The following PEAR1 variants were observed in gnomAD, a reference collection of about 807,000 sequenced individuals.
The protein encoded by PEAR1 is platelet endothelial aggregation receptor 1, also known as multiple EGF-like domains protein 12.
Under a neutral mutation model 131.2 loss-of-function variants are expected in PEAR1, and 113 were observed. The ratio of observed to expected loss-of-function variants is 0.86; its 90% CI spans 0.74 to 1.01. The LOEUF is 1.01. Among genes scored for constraint, PEAR1 ranks in the 50% least tolerant of loss-of-function variants. The pLI, the probability that PEAR1 is intolerant of heterozygous loss-of-function variation, is 0.00. For missense variants in PEAR1, 1,408 were observed against 1,391.1 expected, an observed-to-expected ratio of 1.01 and a Z score of -0.19; for synonymous variants, 565 against 523.3, an observed-to-expected ratio of 1.08 and a Z score of -1.09.
intron 1 of PEAR1, among the ~76,000 whole-genome samples, chr1:156,901,842 T>C (rs898767155): frequency 6.6e-6 from 1 of 151,828 alleles, no homozygotes; most frequent in African/African-American, 2.4e-5. Flanking sequence ...GGAGTGGGCA[T>C]TGGGCCTGGG....
chr1:156,907,923 C>T lies in PEAR1; in HGVS notation c.774C>T (p.Ile258=), dbSNP rs746220241. 3.8e-6 allele frequency: 6 copies of T among 1,594,358 alleles called. No homozygotes were observed. The Admixed American group carries it at 1.1e-4, about 28-fold the overall frequency. ...CSCPPGWMGT[I]CSLPCPEGFH... ...ACCTCTTATCCCCACAGGGCACCAT[C>T]TGCTCCCTGCCCTGCCCAGAGGGCT... The change falls in exon 8 of 23, where the codon ATC becomes ATT. Residue 258 remains isoleucine, a synonymous_variant. Coordinates refer to ENST00000292357, the MANE Select transcript of PEAR1 (RefSeq NM_001080471.3).
chr1:156,906,681 A>G lies in PEAR1; in HGVS notation c.445A>G (p.Ser149Gly). 6.2e-7 allele frequency: 1 copy of G among 1,614,212 alleles called. No homozygotes were observed. The highest frequency in any genetic ancestry group is 8.5e-7 in the Non-Finnish European group (1 of 1,180,020). Residue 149 changes from serine to glycine, a missense_variant, in exon 6 of 23, where the codon AGC (serine) becomes GGC (glycine). Transcript: ENST00000292357. Reference sequence around the variant, plus strand: ...GGGGCCACAGTGTGACAAGCCCTGCAGCTGCGGCAACAACAGCTCGTGTGA... The same window carrying G: ...GGGGCCACAGTGTGACAAGCCCTGCGGCTGCGGCAACAACAGCTCGTGTGA... ...MWGPQCDKPC[S>G]CGNNSSCDPK...
chr1:156,903,836 C>T lies in PEAR1; in HGVS notation c.-9-82C>T, dbSNP rs1277340817. 6.0e-6 allele frequency: 7 copies of T among 1,169,726 alleles called. No individual in the cohort carries two copies. In the Admixed American group the frequency reaches 6.9e-5, roughly 11 times the overall value. The allele number at this position is 1,169,726 out of a possible 1,614,324, so 72.5% of individuals were successfully genotyped here. A position where few individuals can be genotyped will look rare whatever the true frequency, so the allele number is the denominator to read the frequency against. On this transcript the variant is annotated intron_variant, in intron 1 of 22. Coordinates refer to ENST00000292357, the MANE Select transcript of PEAR1 (RefSeq NM_001080471.3). Reference sequence around the variant, plus strand: ...CCGCAGTCTGGTCTCTTCTGCATGCCCACGGCTCAGATCTCTGCAGACAGG... The same window carrying T: ...CCGCAGTCTGGTCTCTTCTGCATGCTCACGGCTCAGATCTCTGCAGACAGG...
In PEAR1 at chr1:156,906,883, A is replaced by G; in HGVS notation, c.644+3A>G. The G allele has an allele frequency of 6.2e-7, 1 of 1,613,604 alleles. No individual in the cohort carries two copies. The highest frequency in any genetic ancestry group is 8.5e-7 in the Non-Finnish European group (1 of 1,179,788). The stretch of plus-strand genomic sequence containing the variant: ...CCCGCAGAGAGAACTGGGCCCAGGT[A>G]TGTAATGGGGGGAACGACACTTTAA... On this transcript the variant is annotated splice_donor_region_variant and intron_variant, in intron 6 of 22. Coordinates refer to ENST00000292357, the MANE Select transcript of PEAR1 (RefSeq NM_001080471.3).
In PEAR1 at chr1:156,910,755, C is replaced by T; in HGVS notation, c.1951+12C>T. On this transcript the variant is annotated intron_variant, in intron 15 of 22. Coordinates refer to ENST00000292357, the MANE Select transcript of PEAR1 (RefSeq NM_001080471.3). ...CGACTGCTCCCAGCGTATGTGGTAG[C>T]TTGTGTGTCTGAGCATACGTGCATG... is the stretch of plus-strand genomic sequence containing the variant. The T allele has an allele frequency of 6.2e-7, 1 of 1,613,866 alleles. No homozygotes were observed. The highest frequency in any genetic ancestry group is 8.5e-7 in the Non-Finnish European group (1 of 1,179,918).
intron 15 of PEAR1, among the ~76,000 whole-genome samples, chr1:156,911,046 T>C (rs573572679): frequency 1.0e-5 from 1 of 97,030 alleles, no homozygotes; most frequent in Non-Finnish European, 1.9e-5. Context: ...TTTTTCTTTC[T>C]TTCTTTCTTT....
In PEAR1 at chr1:156,908,078, CGGGA is replaced by C; in HGVS notation, c.902+34_902+37del. ...TGAGTGGCGTGGGGCGGGCGGGAGA[CGGGA>C]GGGAGGAGGTGGGGCGCCGCCAGGC... On this transcript the variant is annotated intron_variant, in intron 8 of 22. Transcript: ENST00000292357. The surrounding 1 kb of genome is among the most constrained non-coding windows in gnomAD (Gnocchi z 4.2). 1.3e-6 allele frequency: 1 copy of C among 741,732 alleles called. No homozygotes were observed. The allele number at this position is 741,732 out of a possible 1,614,324, so 45.9% of individuals were successfully genotyped here.
At position 156,912,429 on chromosome 1, in the gene PEAR1, A is replaced by G. The variant is rs189160314; in HGVS notation, c.2080+54A>G. 3.8e-4 allele frequency: 610 copies of G among 1,603,190 alleles called. 5 individuals are homozygous for G. The Admixed American group carries it at 7.1e-3, about 19-fold the overall frequency. ...CTGCCTCCAACTTAACCCTTACCCAAAAAAAGGAGACTAGAGTTTCCTGGC... is the reference window on the plus strand; with the variant it reads ...CTGCCTCCAACTTAACCCTTACCCAGAAAAAGGAGACTAGAGTTTCCTGGC... On this transcript the variant is annotated intron_variant, in intron 16 of 22. Coordinates refer to ENST00000292357, the MANE Select transcript of PEAR1 (RefSeq NM_001080471.3).
At chr1:156,914,571 A>C in intron 22 of PEAR1, 76 bp from the exon 23 acceptor site, 1 of 1,414,614 alleles carries the variant, frequency 7.1e-7, no homozygotes, top group Non-Finnish European at 9.7e-7. Flanking sequence ...AGAGGAGAGG[A>C]GTGCAGTGGG....
In PEAR1 at chr1:156,908,581, C is replaced by G; in HGVS notation, c.1116-74C>G. On this transcript the variant is annotated intron_variant, in intron 9 of 22. Coordinates refer to ENST00000292357, the MANE Select transcript of PEAR1 (RefSeq NM_001080471.3). This position sits in a 1 kb window ranked among gnomAD's most constrained non-coding sequence, Gnocchi z 4.2. ...CCAGCGATGTGCGAATCCCACTGAC[C>G]ACGCGGAGGGGTCGGGAAGCTGCCC... 1 of 1,383,970 alleles carries G rather than the reference C, an allele frequency of 7.2e-7. No homozygotes were observed. The highest frequency in any genetic ancestry group is 9.6e-7 in the Non-Finnish European group (1 of 1,043,944). The allele number at this position is 1,383,970 out of a possible 1,614,324, so 85.7% of individuals were successfully genotyped here. A position where few individuals can be genotyped will look rare whatever the true frequency, so the allele number is the denominator to read the frequency against.
In PEAR1 at chr1:156,911,115, C is replaced by CT. The variant is rs1553269305; in HGVS notation, c.1951+374dup. Among the ~76,000 whole-genome samples, 123 of 87,898 alleles carry CT rather than the reference C, an allele frequency of 1.4e-3. 1 individual carries two copies. The highest frequency in any genetic ancestry group is 5.4e-3 in the African/African-American group (109 of 20,082). The allele number at this position is 87,898 out of a possible 152,430, so 57.7% of individuals were successfully genotyped here. ...TTTCCTTTCTTTCTTTCTTTTCTTT[C>CT]TTCTTTCTTTCTTTCCTTTCTTTCT... On this transcript the variant is annotated intron_variant, in intron 15 of 22. Transcript: ENST00000292357.
Position 156,914,693 on chromosome 1 carries a change from C to T in PEAR1, c.3009C>T (p.Pro1003=). ...GSQPPLPPGL[P]PGHYDSPKNS... ...AGCCCCCTCTGCCTCCGGGCCTACC[C>T]CCCGGCCACTATGACTCACCCAAGA... Residue 1003 remains proline (P), a synonymous_variant, in exon 23 of 23, where the codon CCC becomes CCT. Coordinates refer to ENST00000292357, the MANE Select transcript of PEAR1 (RefSeq NM_001080471.3). The T allele has an allele frequency of 1.9e-6, 3 of 1,613,922 alleles. No homozygotes were observed. Among genetic ancestry groups the T allele is most frequent in the Non-Finnish European group, 2.5e-6 (3 of 1,179,866 alleles).
intron 6 of PEAR1, 36 bp downstream of exon 6, chr1:156,906,916 G>A (rs539569615): frequency 1.9e-6 from 3 of 1,596,512 alleles, no homozygotes; most frequent in Admixed American, 1.7e-5. Context: ...TAACAAGATC[G>A]CAGACACAAG....
In PEAR1 at chr1:156,914,946, C is replaced by T; in HGVS notation, c.*148C>T. On this transcript the variant is annotated 3_prime_UTR_variant, in exon 23 of 23. Coordinates refer to ENST00000292357, the MANE Select transcript of PEAR1 (RefSeq NM_001080471.3). ...CGCTTAACAGAGCAAGTGATGGGAG[C>T]CTTGTTCCTGGGTTCTACCATGGGA... The T allele has an allele frequency of 2.3e-6, 2 of 881,124 alleles. No homozygotes were observed. The highest frequency in any genetic ancestry group is 3.4e-5 in the Admixed American group (1 of 29,452). The allele number at this position is 881,124 out of a possible 1,614,324, so 54.6% of individuals were successfully genotyped here.
In PEAR1 at chr1:156,906,656, G is replaced by A; in HGVS notation, c.420G>A (p.Trp140Ter). The A allele has an allele frequency of 6.2e-7, 1 of 1,614,154 alleles. No individual in the cohort carries two copies. Among genetic ancestry groups the A allele is most frequent in the Non-Finnish European group, 8.5e-7 (1 of 1,180,026 alleles). ...CCACAGAGTGTGCCCCAGGAATGTG[G>A]GGGCCACAGTGTGACAAGCCCTGCA... ...DCSSECAPGM[W>*]GPQCDKPCSC... is the part of the protein sequence containing the mutation. Residue 140 changes from tryptophan (W) to a stop codon, truncating the protein, a stop_gained, in exon 6 of 23, where the codon TGG becomes TGA. Transcript: ENST00000292357. LOFTEE classifies it high-confidence loss of function.
At chr1:156,904,560 C>T (rs897918169) in intron 2 of PEAR1, among the ~76,000 whole-genome samples, 188 bp from the exon 3 acceptor site, 2 of 152,128 alleles carry the variant, frequency 1.3e-5, no homozygotes, top group Admixed American at 1.3e-4. Flanking sequence ...AGGAACCTTC[C>T]AGTTCTGGGA....
chr1:156,909,315 T>C (rs1650768560), intron 11 of PEAR1, among the ~76,000 whole-genome samples: 1 of 152,128 alleles, frequency 6.6e-6, no homozygotes, highest in Non-Finnish European at 1.5e-5. Flanking sequence ...GAAACACAAT[T>C]ACCATGCTGG....
intron 15 of PEAR1, among the ~76,000 whole-genome samples, chr1:156,911,097 T>TCTTTCCTTTCTTTCTTTCTTTCCTTC (rs1553269282): frequency 5.3e-4 from 54 of 101,774 alleles, no homozygotes; most frequent in South Asian, 1.8e-3. Context: ...TTCTTTCCTT[T>TCTTTCCTTTCTTTCTTTCTTTCCTTC]CTTTCTTTCT....
chr1:156,906,199 TG>T, intron 4 of PEAR1, 76 bp from the exon 5 acceptor site: 2 of 1,348,544 alleles, frequency 1.5e-6, no homozygotes, highest in Admixed American at 1.8e-5. Context: ...TGGAGGAAGG[TG>T]GGGTTAGGCT....
Sources: allele counts gnomAD v4.1 joint callset (sites outside exome capture counted in the v4.1 genomes callset), GRCh38; gene constraint gnomAD v4.1.1; non-coding constraint Gnocchi (gnomAD v3.1); transcripts MANE v1.5; gene names NCBI Gene and HGNC (gene_info 2026-07-23, HGNC 2026-07-21).